DMD: variants seen among roughly 807,000 people sequenced by gnomAD.
The protein encoded by DMD is dystrophin, also known as mutant dystrophin.
A neutral mutation model predicts 330.1 loss-of-function variants in DMD; 63 were observed. The ratio of observed to expected loss-of-function variants is 0.19; its 90% CI spans 0.16 to 0.24. DMD has a LOEUF of 0.24. DMD is among the 10% of genes least tolerant of loss of function. DMD has a pLI of 1.00. For synonymous variants in DMD, 1,223 were observed against 959.8 expected (o/e 1.27, Z -5.07); for missense variants, 3,344 against 2,684.1 (o/e 1.25, Z -5.43).
At chrX:32,716,055 T>A (rs1340706896) in intron 7 of DMD, among the ~76,000 whole-genome samples, 1 of 111,790 alleles carries the variant, frequency 8.9e-6, no homozygotes, top group African/African-American at 3.3e-5. Flanking sequence ...AATATATATT[T>A]CATGTAACTT....
intron 21 of DMD, among the ~76,000 whole-genome samples, chrX:32,482,499 C>T (rs2041999382): frequency 8.9e-6 from 1 of 111,829 alleles, no homozygotes; most frequent in African/African-American, 3.2e-5. Flanking sequence ...CTTTTTATTG[C>T]TCAGTAACAC....
At chrX:32,654,047 T>G (rs1212997652) in intron 9 of DMD, among the ~76,000 whole-genome samples, 1 of 112,175 alleles carries the variant, frequency 8.9e-6, no homozygotes, top group African/African-American at 3.2e-5. Context: ...AAGTAGATTT[T>G]GGGCTGAGAC....
chrX:33,011,856 G>T (rs2093707621), intron 2 of DMD, among the ~76,000 whole-genome samples: 1 of 111,832 alleles, frequency 8.9e-6, no homozygotes. Flanking sequence ...AGGCCCATCA[G>T]CCATAAAGAA....
intron 54 of DMD, among the ~76,000 whole-genome samples, chrX:31,631,419 T>A (rs2079128847): frequency 9.0e-6 from 1 of 110,845 alleles, no homozygotes. Context: ...CGAGACGGGC[T>A]GCACGTATTG....
intron 60 of DMD, among the ~76,000 whole-genome samples, chrX:31,407,465 CCTTTTTTTTTTT>C (rs1216224175): frequency 2.7e-5 from 2 of 73,568 alleles, no homozygotes; most frequent in African/African-American, 1.8e-4. Flanking sequence ...CATGCTTGGC[CCTTTTTTTTTTT>C]CTTTTTTTTT....
chrX:32,784,006 TGG>T (rs58920881), intron 7 of DMD, among the ~76,000 whole-genome samples: 21 of 90,510 alleles, frequency 2.3e-4, no homozygotes, highest in South Asian at 1.1e-3. Flanking sequence ...GGAGCGGGGG[TGG>T]GGGGGGGAAA....
intron 48 of DMD, among the ~76,000 whole-genome samples, chrX:31,857,051 C>T (rs974427267): frequency 3.6e-5 from 4 of 110,932 alleles, no homozygotes; most frequent in African/African-American, 1.3e-4. Context: ...CATGTTTTGC[C>T]TTCTTAATGC....
At chrX:32,612,331 G>C (rs1411241566) in intron 12 of DMD, among the ~76,000 whole-genome samples, 2 of 111,831 alleles carry the variant, frequency 1.8e-5, no homozygotes, top group African/African-American at 3.2e-5. Flanking sequence ...TTCTGCACCA[G>C]AAATACCCTC....
chrX:32,908,025 T>C (rs2086873979), intron 2 of DMD, among the ~76,000 whole-genome samples: 1 of 111,422 alleles, frequency 9.0e-6, no homozygotes, highest in East Asian at 2.8e-4. Flanking sequence ...CTCTACCTCA[T>C]AGAATTTGAT....
At chrX:33,301,033 T>A (rs956138733) in intron 1 of DMD, among the ~76,000 whole-genome samples, 2 of 111,668 alleles carry the variant, frequency 1.8e-5, no homozygotes, top group African/African-American at 6.5e-5. Context: ...TAAAGCAGTA[T>A]CCATGCACTC....
intron 62 of DMD, among the ~76,000 whole-genome samples, chrX:31,322,227 T>C (rs1392048773): frequency 1.8e-5 from 2 of 111,871 alleles, no homozygotes; most frequent in Non-Finnish European, 3.8e-5. Context: ...AATAAAAATT[T>C]GTGAGGACAA....
intron 62 of DMD, among the ~76,000 whole-genome samples, chrX:31,293,220 T>C (rs1232893594): frequency 2.0e-5 from 2 of 100,851 alleles, no homozygotes; most frequent in African/African-American, 3.7e-5. Context: ...TGTGTGTGTG[T>C]GTGTGTGTGT....
At chrX:31,146,910 A>G (rs748054699) in intron 75 of DMD, among the ~76,000 whole-genome samples, 1 of 111,842 alleles carries the variant, frequency 8.9e-6, no homozygotes, top group South Asian at 3.8e-4. Flanking sequence ...GGATTAGGAG[A>G]AAAAAAACAC....
chrX:32,635,894 C>A (rs943685232), intron 11 of DMD, among the ~76,000 whole-genome samples: 2 of 111,783 alleles, frequency 1.8e-5, no homozygotes, highest in Admixed American at 1.9e-4. Context: ...CTCTAGTTCT[C>A]ATGCTAACTT....
At chrX:31,214,937 C>CTTTTTTCTTT (rs1556299261) in intron 64 of DMD, among the ~76,000 whole-genome samples, 6 of 38,087 alleles carry the variant, frequency 1.6e-4, no homozygotes, top group East Asian at 2.1e-3. Context: ...TTTCTTTTTT[C>CTTTTTTCTTT]TTTTTTTTTT....
At chrX:32,517,895 G>T in intron 18 of DMD, 113 bp downstream of exon 18, 1 of 853,020 alleles carries the variant, frequency 1.2e-6, no homozygotes, top group Non-Finnish European at 1.7e-6. Flanking sequence ...ATATTAAACA[G>T]CATTTTATCA....
intron 1 of DMD, among the ~76,000 whole-genome samples, chrX:33,119,157 AAC>A (rs1162979979): frequency 8.9e-6 from 1 of 112,436 alleles, no homozygotes; most frequent in Non-Finnish European, 1.9e-5. Context: ...TACTTCCTTG[AAC>A]ACATTGTATA....
At chrX:31,863,882 T>C (rs1039818583) in intron 48 of DMD, among the ~76,000 whole-genome samples, 3 of 110,760 alleles carry the variant, frequency 2.7e-5, no homozygotes, top group African/African-American at 9.8e-5. Context: ...CACATTAGAA[T>C]ACAATTCATT....
At chrX:32,067,240 T>C (rs983809228) in intron 44 of DMD, among the ~76,000 whole-genome samples, 7 of 111,835 alleles carry the variant, frequency 6.3e-5, no homozygotes, top group Non-Finnish European at 1.3e-4. Context: ...CAAAGCAGAA[T>C]AGGATCTCCG....
Sources: gnomAD v4.1 joint callset for allele counts (sites outside exome capture counted in the v4.1 genomes callset) on GRCh38, gnomAD v4.1.1 for gene constraint, MANE v1.5 for transcripts, NCBI Gene and HGNC (gene_info 2026-07-23, HGNC 2026-07-21) for gene names.